The following COPE variants were observed in gnomAD, a reference collection of about 807,000 sequenced individuals.
The protein encoded by COPE is coatomer subunit epsilon.
Under a neutral mutation model 42.1 loss-of-function variants are expected in COPE, and 19 were observed. The ratio of observed to expected loss-of-function variants is 0.45; its 90% CI spans 0.31 to 0.66. The LOEUF (loss-of-function observed/expected upper bound fraction) is 0.66. COPE is among the 30% of genes least tolerant of loss of function. COPE has a pLI of 0.05. For synonymous variants in COPE, 195 were observed against 181.3 expected (o/e 1.08, Z -0.60); for missense variants, 402 against 416.1 (o/e 0.97, Z 0.30).
Position 18,916,661 on chromosome 19 carries a change from G to A in COPE, c.126+2562C>T, listed in dbSNP as rs192485060. 6.0e-5 allele frequency among the ~76,000 whole-genome samples: 9 copies of A among 150,814 alleles called. No homozygotes were observed. The East Asian group carries it at 1.2e-3, about 20-fold the overall frequency. ...AAATTAGCTGGGTGTGGTGGCACAC[G>A]CCTGTAGTCCCAGCTACTAGGGAGG... On this transcript the variant is annotated intron_variant, in intron 1 of 9. Coordinates refer to ENST00000262812, the MANE Select transcript of COPE (RefSeq NM_007263.4).
chr19:18,911,834 G>A lies in COPE; in HGVS notation c.190-763C>T, dbSNP rs973136169. On this transcript the variant is annotated intron_variant, in intron 2 of 9. Coordinates refer to ENST00000262812, the MANE Select transcript of COPE (RefSeq NM_007263.4). The stretch of plus-strand genomic sequence containing the variant: ...CCCAAAATGCTGGGATTACAGGTGT[G>A]AGCCACCACGCCCGGCCTTTTTTTT... Among the ~76,000 whole-genome samples the A allele has an allele frequency of 7.4e-5, 11 of 147,918 alleles. No individual in the cohort carries two copies. In the Admixed American group the frequency reaches 7.5e-4, roughly 10 times the overall value.
chr19:18,899,596 G>A lies in COPE; in HGVS notation c.*83C>T. 6.7e-7 allele frequency: 1 copy of A among 1,487,784 alleles called. No individual in the cohort carries two copies. The highest frequency in any genetic ancestry group is 1.7e-5 in the Admixed American group (1 of 58,608). 92.2% of individuals were successfully genotyped at this position (1,487,784 alleles called of 1,614,324 possible). A position where few individuals can be genotyped will look rare whatever the true frequency, so the allele number is the denominator to read the frequency against. ...GGCTCCTGCCCCCAGAGGGGATGCA[G>A]GTGGATGCCGGGTGGGGAGGGCTGC... On this transcript the variant is annotated 3_prime_UTR_variant, in exon 10 of 10. Transcript: ENST00000262812.
At chr19:18,902,772 AGAAGGAAGGAAGGAAG>A (rs71168781) in intron 7 of COPE, among the ~76,000 whole-genome samples, 1,309 of 31,960 alleles carry the variant, frequency 0.041, 444 homozygotes, top group African/African-American at 0.23. Context: ...AGGAAGGGAA[AGAAGGAAGGAAGGAAG>A]GAAGGAAGGA....
intron 2 of COPE, 74 bp downstream of exon 2, chr19:18,912,910 T>C: frequency 6.8e-6 from 10 of 1,477,186 alleles, no homozygotes; most frequent in Non-Finnish European, 9.4e-6. Context: ...ACCCACTCTG[T>C]GGTGCCTTCC....
At chr19:18,910,666 A>C (rs2056801050) in intron 3 of COPE, 1 of 396,440 alleles carries the variant, frequency 2.5e-6, no homozygotes, top group African/African-American at 2.0e-5. Context: ...GGTGTTGCAG[A>C]GGGCTGCTCG....
chr19:18,915,066 G>A (rs1336952328), intron 1 of COPE, among the ~76,000 whole-genome samples: 1 of 152,120 alleles, frequency 6.6e-6, no homozygotes, highest in Admixed American at 6.6e-5. Context: ...ATATTAGCCA[G>A]GTGTGGTAGC....
chr19:18,903,753 AGAG>A (rs1013175622), intron 6 of COPE, among the ~76,000 whole-genome samples: 10 of 152,328 alleles, frequency 6.6e-5, no homozygotes, highest in South Asian at 2.1e-4. Context: ...TGAGCACGTC[AGAG>A]GAGGAGGAGT....
chr19:18,919,145 G>A (rs994067818), intron 1 of COPE, 78 bp downstream of exon 1: 1 of 1,492,026 alleles, frequency 6.7e-7, no homozygotes, highest in Admixed American at 2.0e-5. Flanking sequence ...GTTTTTAGAC[G>A]CAGAACGCGG....
At chr19:18,913,222 C>T (rs2056826955) in intron 1 of COPE, among the ~76,000 whole-genome samples, 176 bp from the exon 2 acceptor site, 1 of 152,128 alleles carries the variant, frequency 6.6e-6, no homozygotes, top group South Asian at 2.1e-4. Context: ...CTGGGGGTAC[C>T]CTACACGGGG....
At chr19:18,914,852 G>A (rs957069064) in intron 1 of COPE, among the ~76,000 whole-genome samples, 1 of 150,780 alleles carries the variant, frequency 6.6e-6, no homozygotes, top group Admixed American at 6.6e-5. Flanking sequence ...TGCCGCCTGG[G>A]TTCAAGAGAT....
At chr19:18,915,531 C>T (rs908065991) in intron 1 of COPE, among the ~76,000 whole-genome samples, 3 of 152,220 alleles carry the variant, frequency 2.0e-5, no homozygotes, top group African/African-American at 7.2e-5. Context: ...GAGCATTGCT[C>T]TTCAACCCCA....
intron 1 of COPE, among the ~76,000 whole-genome samples, chr19:18,918,598 G>T: frequency 6.6e-6 from 1 of 152,040 alleles, no homozygotes; most frequent in East Asian, 1.9e-4. Flanking sequence ...CACCACGCCC[G>T]GCTAATTTTT....
In COPE at chr19:18,904,938, C is replaced by A. The variant is rs188669506; in HGVS notation, c.498-86G>T. 1.9e-4 allele frequency: 264 copies of A among 1,362,390 alleles called. No individual in the cohort carries two copies. In the African/African-American group the frequency reaches 3.2e-3, roughly 17 times the overall value. The allele number at this position is 1,362,390 out of a possible 1,614,324, so 84.4% of individuals were successfully genotyped here. On this transcript the variant is annotated intron_variant, in intron 5 of 9. Coordinates refer to ENST00000262812, the MANE Select transcript of COPE (RefSeq NM_007263.4). Reference sequence around the variant, plus strand: ...TGCCTTGTCCCCACTTGGGGCCCACCGGAGCCTGGGGATGGCCCCTGCTTT... The same window carrying A: ...TGCCTTGTCCCCACTTGGGGCCCACAGGAGCCTGGGGATGGCCCCTGCTTT...
At chr19:18,908,850 T>C (rs1204143988) in intron 3 of COPE, among the ~76,000 whole-genome samples, 1 of 151,880 alleles carries the variant, frequency 6.6e-6, no homozygotes, top group Non-Finnish European at 1.5e-5. Context: ...ATATACAAAT[T>C]AGCCAGGCAT....
At chr19:18,905,670 GAC>G in intron 4 of COPE, 41 bp from the exon 5 acceptor site, 4 of 1,571,890 alleles carry the variant, frequency 2.5e-6, no homozygotes, top group African/African-American at 1.3e-5. Flanking sequence ...GGTCGCCACA[GAC>G]ACATTGCATG....
chr19:18,919,005 G>A (rs912595004), intron 1 of COPE, among the ~76,000 whole-genome samples: 2 of 152,250 alleles, frequency 1.3e-5, no homozygotes, highest in African/African-American at 4.8e-5. Flanking sequence ...TTTCAAGGGC[G>A]CAGAGAGAAC....
chr19:18,916,584 TA>T (rs1490546061), intron 1 of COPE, among the ~76,000 whole-genome samples: 1 of 151,450 alleles, frequency 6.6e-6, no homozygotes, highest in Non-Finnish European at 1.5e-5. Flanking sequence ...GGTCAGGAGT[TA>T]CAGACGAGCC....
intron 1 of COPE, 65 bp downstream of exon 1, chr19:18,919,158 C>T (rs1421603430): frequency 1.3e-6 from 2 of 1,539,334 alleles, no homozygotes; most frequent in Non-Finnish European, 1.8e-6. Context: ...GAACGCGGCT[C>T]GCGGCCACCA....
chr19:18,912,988 G>A lies in COPE; in HGVS notation c.185C>T (p.Ala62Val), dbSNP rs762085966. 21 of 1,611,590 alleles carry A rather than the reference G, an allele frequency of 1.3e-5. No homozygotes were observed. The highest frequency in any genetic ancestry group is 4.4e-5 in the South Asian group (4 of 91,082). ...RDVFLYRAYL[A>V]QRKFGVVLDE... ...CCGGCCAAGGCCCGCACTCACCTGC[G>A]CCAGGTACGCTCTATACAGGAAGAC... The change falls in exon 2 of 10, where the codon GCG (alanine) becomes GTG (valine). Residue 62 changes from alanine (A) to valine (V), a missense_variant. By Grantham distance (64) the Ala-to-Val change is moderately conservative (BLOSUM62 0). Coordinates refer to ENST00000262812, the MANE Select transcript of COPE (RefSeq NM_007263.4).
Sources: gnomAD v4.1 joint callset for allele counts (sites outside exome capture counted in the v4.1 genomes callset) on GRCh38, gnomAD v4.1.1 for gene constraint, MANE v1.5 for transcripts, NCBI Gene and HGNC (gene_info 2026-07-23, HGNC 2026-07-21) for gene names.